Variants in RC3H2 observed in about 807,000 individuals in gnomAD.
RC3H2 encodes the protein roquin-2.
Under a neutral mutation model 133.3 loss-of-function variants are expected in RC3H2, and 31 were observed. The observed-to-expected ratio is 0.23, with a 90% CI of 0.17 to 0.31. The LOEUF (loss-of-function observed/expected upper bound fraction) is 0.31. Among genes scored for constraint, RC3H2 ranks in the 10% least tolerant of loss-of-function variants. RC3H2 has a pLI of 1.00. For missense variants in RC3H2, 1,175 were observed against 1,437.2 expected (o/e 0.82, Z 2.95); for synonymous variants, 517 against 502.2 (o/e 1.03, Z -0.40).
chr9:122,875,187 T>C lies in RC3H2; in HGVS notation c.1325+2284A>G, dbSNP rs1330912898. 4 of 1,550,916 alleles carry C rather than the reference T, an allele frequency of 2.6e-6. No homozygotes were observed. In the Admixed American group the frequency reaches 5.9e-5, roughly 23 times the overall value. ...CTTAGGACTCCTTAATCCTCTTCTC[T>C]AGGCACTTCAAGTGGGGAAAAAAAC... On this transcript the variant is annotated intron_variant, in intron 9 of 20. Transcript: ENST00000357244.
intron 4 of RC3H2, among the ~76,000 whole-genome samples, chr9:122,887,515 G>A (rs965957188): frequency 8.6e-5 from 13 of 151,952 alleles, no homozygotes; most frequent in African/African-American, 3.1e-4. Flanking sequence ...CCCTAGACTG[G>A]AGTAAGGCAT....
At position 122,868,895 on chromosome 9, in the gene RC3H2, GTTTTT is replaced by G. The variant is rs10709763; in HGVS notation, c.1326-3243_1326-3239del. 4.0e-5 allele frequency among the ~76,000 whole-genome samples: 4 copies of G among 99,614 alleles called. 1 individual carries two copies. Among genetic ancestry groups the G allele is most frequent in the Non-Finnish European group, 5.7e-5 (3 of 52,490 alleles). 65.4% of individuals were successfully genotyped at this position (99,614 alleles called of 152,430 possible). On this transcript the variant is annotated intron_variant, in intron 9 of 20. Coordinates refer to ENST00000357244, the MANE Select transcript of RC3H2 (RefSeq NM_001100588.3). ...TGTGTGTGTGTGTGTGTGTGTATGT[GTTTTT>G]TTTTTTTTTTTTTGTGGGGGGGTTA... is the stretch of plus-strand genomic sequence containing the variant.
At chr9:122,881,308 G>A (rs1169455148) in intron 5 of RC3H2, among the ~76,000 whole-genome samples, 3 of 151,898 alleles carry the variant, frequency 2.0e-5, no homozygotes, top group Admixed American at 6.6e-5. Context: ...CCAACATGAC[G>A]AAACCCCATC....
At position 122,846,466 on chromosome 9, in the gene RC3H2, T is replaced by C. The variant is rs181298119; in HGVS notation, c.*3161A>G. On this transcript the variant is annotated 3_prime_UTR_variant, in exon 21 of 21. Transcript: ENST00000357244. ...TTGTTCAGGTACCAACTAGAAAAAA[T>C]ATATATGTAACTTCCTCTGAATTCA... The C allele has an allele frequency of 1.3e-4, 19 of 151,974 alleles. No individual in the cohort carries two copies. The highest frequency in any genetic ancestry group is 3.9e-4 in the African/African-American group (16 of 41,442). 9.4% of individuals were successfully genotyped at this position (151,974 alleles called of 1,614,324 possible). A position where few individuals can be genotyped will look rare whatever the true frequency, so the allele number is the denominator to read the frequency against.
chr9:122,871,525 G>T (rs923587090), intron 9 of RC3H2, among the ~76,000 whole-genome samples: 4 of 149,158 alleles, frequency 2.7e-5, no homozygotes, highest in African/African-American at 7.6e-5. Context: ...GGGTTTCATC[G>T]TGTTAGCCAG....
intron 8 of RC3H2, among the ~76,000 whole-genome samples, chr9:122,877,789 C>T (rs1253003474): frequency 6.6e-6 from 1 of 152,170 alleles, no homozygotes; most frequent in Non-Finnish European, 1.5e-5. Flanking sequence ...GATATTCCTT[C>T]TGAAGATTAT....
intron 4 of RC3H2, among the ~76,000 whole-genome samples, chr9:122,889,545 C>T (rs1270157361): frequency 6.6e-6 from 1 of 152,038 alleles, no homozygotes; most frequent in African/African-American, 2.4e-5. Context: ...GAAGAAAACA[C>T]AGGAGGGAAC....
chr9:122,896,577 A>C (rs1292750148), intron 2 of RC3H2, among the ~76,000 whole-genome samples: 1 of 152,248 alleles, frequency 6.6e-6, no homozygotes, highest in Non-Finnish European at 1.5e-5. Context: ...CGCAGAATAC[A>C]ATCATGAAAA....
intron 18 of RC3H2, among the ~76,000 whole-genome samples, chr9:122,852,240 G>A (rs1433343829): frequency 5.3e-5 from 8 of 151,812 alleles, no homozygotes; most frequent in Non-Finnish European, 1.2e-4. Flanking sequence ...CGTCTGAGAA[G>A]TGAGGAGACC....
chr9:122,904,406 A>C (rs977073448), intron 1 of RC3H2, among the ~76,000 whole-genome samples: 91 of 152,344 alleles, frequency 6.0e-4, no homozygotes, highest in African/African-American at 2.1e-3. Flanking sequence ...CCTGAAAGCT[A>C]AGGATAGAAA....
rs766448063 is a variant in RC3H2, at chr9:122,851,313, T to C, written c.3231+10A>G. On this transcript the variant is annotated intron_variant, in intron 19 of 20. Coordinates refer to ENST00000357244, the MANE Select transcript of RC3H2 (RefSeq NM_001100588.3). ...ACAAAGCCTCTCAATTATCTAATTG[T>C]GGCACTTACTTCAATTGGTTCACTT... 1.9e-6 allele frequency: 3 copies of C among 1,611,374 alleles called. No homozygotes were observed. The highest frequency in any genetic ancestry group is 2.5e-6 in the Non-Finnish European group (3 of 1,177,442).
intron 9 of RC3H2, chr9:122,875,409 C>T: frequency 1.3e-6 from 2 of 1,487,836 alleles, no homozygotes; most frequent in Admixed American, 2.4e-5. Flanking sequence ...AGATCATGGG[C>T]CATAGTTTCT....
chr9:122,899,446 T>A (rs1832569995), intron 1 of RC3H2, among the ~76,000 whole-genome samples: 1 of 152,216 alleles, frequency 6.6e-6, no homozygotes, highest in South Asian at 2.1e-4. Context: ...AAAAATGAAT[T>A]ACAGGGCTTG....
chr9:122,895,685 A>T (rs1832387686), intron 2 of RC3H2, among the ~76,000 whole-genome samples: 1 of 152,218 alleles, frequency 6.6e-6, no homozygotes, highest in Non-Finnish European at 1.5e-5. Context: ...AAATATCAAG[A>T]TACTAAAGGA....
At chr9:122,864,782 G>A (rs1388478287) in intron 10 of RC3H2, among the ~76,000 whole-genome samples, 4 of 151,914 alleles carry the variant, frequency 2.6e-5, no homozygotes, top group Non-Finnish European at 5.9e-5. Flanking sequence ...CACCATGCCC[G>A]GCTAATTTTT....
intron 18 of RC3H2, among the ~76,000 whole-genome samples, chr9:122,851,919 C>T (rs914564892): frequency 1.3e-5 from 2 of 152,066 alleles, no homozygotes; most frequent in South Asian, 2.1e-4. Context: ...CGGCCGCCAC[C>T]CCGTCTGGGA....
chr9:122,859,097 A>G lies in RC3H2; in HGVS notation c.1855T>C (p.Tyr619His), dbSNP rs1830360512. ...EVPQYPQTGY[Y>H]PPPPTVPAGV... ...GCTGGTACCGTTGGAGGTGGTGGAT[A>G]GTATCCTTGAAAATTGGAAAGAGGA... The change falls in exon 12 of 21, where the codon TAT becomes CAT. Residue 619 changes from tyrosine to histidine, a missense_variant. Tyr to His is a moderately conservative substitution (Grantham distance 83). This residue lies in a region of RC3H2 where 490 missense variants were observed against 492.8 expected (regional missense o/e 0.99). Transcript: ENST00000357244. The G allele has an allele frequency of 1.3e-6, 2 of 1,547,444 alleles. No homozygotes were observed. The highest frequency in any genetic ancestry group is 2.8e-5 in the African/African-American group (2 of 72,438).
chr9:122,879,446 T>A (rs1831502426), intron 8 of RC3H2, among the ~76,000 whole-genome samples: 1 of 151,656 alleles, frequency 6.6e-6, no homozygotes, highest in Admixed American at 6.6e-5. Flanking sequence ...AGAAATTCAA[T>A]ACAGAAAAAA....
intron 2 of RC3H2, among the ~76,000 whole-genome samples, chr9:122,895,911 A>G (rs960711571): frequency 3.3e-5 from 5 of 152,146 alleles, no homozygotes; most frequent in Non-Finnish European, 7.4e-5. Context: ...CTCATTAAAT[A>G]TGTTATTTCA....
Sources: allele counts gnomAD v4.1 joint callset (sites outside exome capture counted in the v4.1 genomes callset), GRCh38; gene constraint gnomAD v4.1.1; regional missense constraint gnomAD v4.1.1; transcripts MANE v1.5; gene names NCBI Gene and HGNC (gene_info 2026-07-23, HGNC 2026-07-21).